TXLNB: variants seen among roughly 807,000 people sequenced by gnomAD.
TXLNB encodes the protein taxilin beta.
Under a neutral mutation model 57.4 loss-of-function variants are expected in TXLNB, and 37 were observed. That is an observed-to-expected ratio of 0.64 (90% CI 0.50 to 0.85). The LOEUF (loss-of-function observed/expected upper bound fraction) is 0.85, where lower values mean the gene tolerates loss of function less well. TXLNB is among the 40% of genes least tolerant of loss of function. The pLI is 0.00. For missense variants in TXLNB, 848 were observed against 825.6 expected (o/e 1.03, Z -0.33); for synonymous variants, 302 against 309.6 (o/e 0.98, Z 0.26).
At chr6:139,292,078 ACG>A (rs71901269), upstream of TXLNB, 7,067 of 148,248 alleles carry the variant, frequency 0.048, 360 homozygotes, top group African/African-American at 0.13. The surrounding 1 kb of genome is among the most constrained non-coding windows in gnomAD (Gnocchi z 4.0). Context: ...ACGTGCACGC[ACG>A]CGCGCGCACA....
the TXLNB span, among the ~76,000 whole-genome samples, chr6:139,312,319 G>A: frequency 6.6e-6 from 1 of 152,114 alleles, no homozygotes; most frequent in Non-Finnish European, 1.5e-5. Context: ...TTAATCTTAA[G>A]CTGTCTTAGG....
At chr6:139,250,779 A>G (rs1776185623) in intron 7 of TXLNB, among the ~76,000 whole-genome samples, 1 of 152,068 alleles carries the variant, frequency 6.6e-6, no homozygotes. Context: ...TGTCTGGTCC[A>G]TCTCACAGAT....
chr6:139,317,234 G>T, the TXLNB span, among the ~76,000 whole-genome samples: 117 of 151,976 alleles, frequency 7.7e-4, 1 homozygote, highest in Admixed American at 7.0e-3. Context: ...GAAAAAAAAA[G>T]TCATCTCTAA....
At chr6:139,198,946 G>A in the TXLNB span, among the ~76,000 whole-genome samples, 16,390 of 151,022 alleles carry the variant, frequency 0.11, 1,337 homozygotes, top group African/African-American at 0.21. Context: ...AAACTCTTTC[G>A]AATATGCCAT....
the TXLNB span, among the ~76,000 whole-genome samples, chr6:139,181,841 G>A: frequency 6.6e-6 from 1 of 152,194 alleles, no homozygotes; most frequent in African/African-American, 2.4e-5. Context: ...TAACTGCTGT[G>A]TGCAGACTTC....
At chr6:139,186,636 G>GA in the TXLNB span, among the ~76,000 whole-genome samples, 5 of 152,290 alleles carry the variant, frequency 3.3e-5, no homozygotes, top group East Asian at 9.6e-4. Flanking sequence ...TTCAAGAAAT[G>GA]AAAGTATATG....
chr6:139,198,056 A>G, the TXLNB span, among the ~76,000 whole-genome samples: 1 of 152,224 alleles, frequency 6.6e-6, no homozygotes, highest in Admixed American at 6.5e-5. Context: ...CATTCAAACC[A>G]TATCAGTTGG....
At chr6:139,205,497 C>A in the TXLNB span, among the ~76,000 whole-genome samples, 1 of 152,052 alleles carries the variant, frequency 6.6e-6, no homozygotes, top group South Asian at 2.1e-4. Context: ...TTCAGAACAT[C>A]TGGAAATGAA....
the TXLNB span, among the ~76,000 whole-genome samples, chr6:139,301,798 G>A: frequency 0.045 from 6,789 of 152,020 alleles, 253 homozygotes; most frequent in East Asian, 0.12. Context: ...CCTGACCATA[G>A]TACATATTTT....
At chr6:139,305,540 T>A in the TXLNB span, among the ~76,000 whole-genome samples, 1 of 152,162 alleles carries the variant, frequency 6.6e-6, no homozygotes, top group Non-Finnish European at 1.5e-5. Flanking sequence ...AACAGTTCAA[T>A]GAAAAGGCAT....
the TXLNB span, among the ~76,000 whole-genome samples, chr6:139,301,129 T>C: frequency 2.0e-5 from 3 of 152,112 alleles, no homozygotes; most frequent in Non-Finnish European, 4.4e-5. Flanking sequence ...CCCCCTGAGT[T>C]TGTGGAACAT....
chr6:139,180,778 A>G, the TXLNB span: 1 of 152,628 alleles, frequency 6.6e-6, no homozygotes, highest in African/African-American at 2.4e-5. Context: ...GTATGTATTA[A>G]AAATAATAAA....
Position 139,242,719 on chromosome 6 carries a change from G to A in TXLNB, c.1862C>T (p.Ala621Val). ...SGQAPQAPTE[A>V]SLQKMEADVP... ...ATCTGCCTCCATCTTCTGTAGGGAG[G>A]CCTCGGTGGGAGCCTGTGGGGCCTG... is the stretch of plus-strand genomic sequence containing the variant. Residue 621 changes from alanine to valine, a missense_variant, in exon 10 of 10, where the codon GCC becomes GTC. Ala to Val is a moderately conservative substitution (Grantham distance 64, BLOSUM62 0). Transcript: ENST00000358430. The A allele has an allele frequency of 6.2e-7, 1 of 1,612,832 alleles. No individual in the cohort carries two copies. Among genetic ancestry groups the A allele is most frequent in the Non-Finnish European group, 8.5e-7 (1 of 1,179,620 alleles).
the TXLNB span, among the ~76,000 whole-genome samples, chr6:139,321,606 T>G: frequency 3.3e-5 from 5 of 150,882 alleles, no homozygotes; most frequent in Admixed American, 3.3e-4. Context: ...ACTTTTACAT[T>G]TATGTCTCTA....
the TXLNB span, among the ~76,000 whole-genome samples, chr6:139,223,779 TA>T: frequency 2.6e-5 from 4 of 152,078 alleles, no homozygotes; most frequent in African/African-American, 9.7e-5. Context: ...TGGCAATCAT[TA>T]AAAAATCAGG....
At chr6:139,297,303 GT>G in the TXLNB span, among the ~76,000 whole-genome samples, 1 of 152,064 alleles carries the variant, frequency 6.6e-6, no homozygotes, top group African/African-American at 2.4e-5. Context: ...ATAAAGATGT[GT>G]TTAACCACTG....
At chr6:139,193,820 A>ATT in the TXLNB span, among the ~76,000 whole-genome samples, 39,563 of 95,742 alleles carry the variant, frequency 0.41, 8,370 homozygotes, top group Non-Finnish European at 0.44. Flanking sequence ...TGCCTGGCTA[A>ATT]TTTATATATA....
intron 7 of TXLNB, among the ~76,000 whole-genome samples, chr6:139,252,987 G>A (rs981407520): frequency 5.9e-5 from 9 of 152,064 alleles, no homozygotes; most frequent in Non-Finnish European, 8.8e-5. Flanking sequence ...GTGAGACACC[G>A]TCTCAAAAAC....
At position 139,240,426 on chromosome 6, in the gene TXLNB, T is replaced by C. The variant is rs1775906243; in HGVS notation, c.*2100A>G. ...TCTTTTGGATGAAAATAATGAACTTTGGGTTTTAGAATATTTGATTTACTG... is the reference window on the plus strand; with the variant it reads ...TCTTTTGGATGAAAATAATGAACTTCGGGTTTTAGAATATTTGATTTACTG... On this transcript the variant is annotated 3_prime_UTR_variant, in exon 10 of 10. Coordinates refer to ENST00000358430, the MANE Select transcript of TXLNB (RefSeq NM_153235.4). 1 of 152,652 alleles carries C rather than the reference T, an allele frequency of 6.6e-6. No individual in the cohort carries two copies. Among genetic ancestry groups the C allele is most frequent in the Non-Finnish European group, 1.5e-5 (1 of 68,030 alleles). The allele number at this position is 152,652 out of a possible 1,614,324, so 9.5% of individuals were successfully genotyped here.
Sources: allele counts gnomAD v4.1 joint callset (sites outside exome capture counted in the v4.1 genomes callset), GRCh38; gene constraint gnomAD v4.1.1; non-coding constraint Gnocchi (gnomAD v3.1); transcripts MANE v1.5; gene names NCBI Gene and HGNC (gene_info 2026-07-23, HGNC 2026-07-21).